Variants in CDHR4 observed in about 807,000 individuals in gnomAD.
CDHR4 encodes cadherin related family member 4, also known as cadherin-related family member 4.
Under a neutral mutation model 88.4 loss-of-function variants are expected in CDHR4, and 89 were observed. The observed-to-expected ratio is 1.01, with a 90% CI of 0.85 to 1.20. The LOEUF is 1.20. Among genes scored for constraint, CDHR4 ranks in the 50% most tolerant of loss-of-function variants. The pLI is 0.00. For synonymous variants in CDHR4, 368 were observed against 399.2 expected (o/e 0.92, Z 0.93); for missense variants, 914 against 1,007.2 (o/e 0.91, Z 1.25).
chr3:49,800,583 T>C (rs1048471248), upstream of CDHR4, among the ~76,000 whole-genome samples: 3 of 151,978 alleles, frequency 2.0e-5, no homozygotes, highest in South Asian at 4.2e-4. Context: ...TCCTTTATGA[T>C]AGAAATACAA....
At chr3:49,798,556 C>G (rs1291170066) in intron 4 of CDHR4, 6 of 495,218 alleles carry the variant, frequency 1.2e-5, no homozygotes, top group African/African-American at 8.1e-5. Flanking sequence ...CCACTGCACT[C>G]CAGCCTGGAC....
Position 49,795,209 on chromosome 3 carries a change from G to A in CDHR4, c.1018C>T (p.Pro340Ser). The A allele has an allele frequency of 6.4e-7, 1 of 1,551,672 alleles. No individual in the cohort carries two copies. ...LVNLWPPRCL[P>S]ALLVSQIPET... ...CCGGGTACTCACACCAGAAGCGCTG[G>A]GAGGCAGCGTGGAGGCCAGAGGTTG... The change falls in exon 8 of 19, where the codon CCA (proline) becomes TCA (serine). Residue 340 changes from proline (P) to serine (S), a missense_variant. Physicochemically the swap from Pro to Ser is moderately conservative, Grantham distance 74. Transcript: ENST00000412678. The surrounding 1 kb of genome is among the most constrained non-coding windows in gnomAD (Gnocchi z 5.4).
At chr3:49,798,758 G>A (rs1167940194) in intron 4 of CDHR4, 68 bp downstream of exon 4, 6 of 1,476,458 alleles carry the variant, frequency 4.1e-6, no homozygotes, top group Middle Eastern at 2.1e-4. Context: ...GGCCAGGTGG[G>A]GGTTAATTTA....
Position 49,795,251 on chromosome 3 carries a change from T to C in CDHR4, c.976A>G (p.Met326Val). 6.4e-7 allele frequency: 1 copy of C among 1,551,626 alleles called. No homozygotes were observed. The highest frequency in any genetic ancestry group is 8.7e-7 in the Non-Finnish European group (1 of 1,146,968). Reference protein sequence around the residue: ...LWASAKLNLTMNVQLVNLWPP... With the variant: ...LWASAKLNLTVNVQLVNLWPP... ...CAGAGGTTGACCAGCTGCACATTCA[T>C]GGTGAGATTGAGCTTGGCACTGGCC... The change falls in exon 8 of 19, where the codon ATG becomes GTG. Residue 326 changes from methionine to valine, a missense_variant. By Grantham distance (21) the Met-to-Val change is conservative. Transcript: ENST00000412678. This position sits in a 1 kb window ranked among gnomAD's most constrained non-coding sequence, Gnocchi z 5.4.
rs760475737 is a variant in CDHR4, at chr3:49,799,379, G to A, written c.108C>T (p.Val36=). 1 of 1,611,686 alleles carries A rather than the reference G, an allele frequency of 6.2e-7. No individual in the cohort carries two copies. Among genetic ancestry groups the A allele is most frequent in the South Asian group, 1.1e-5 (1 of 90,608 alleles). The stretch of plus-strand genomic sequence containing the variant: ...AGCAGTTGAAGGATAAAAACTGAAG[G>A]ACTGTGCCAGGGCCCTGGCTCTCAG... The part of the protein sequence containing the change: ...NVSESQGPGT[V]LQFLSFNCSS... The change falls in exon 2 of 19, where the codon GTC becomes GTT. Residue 36 remains valine (V), a synonymous_variant. Coordinates refer to ENST00000412678, the MANE Select transcript of CDHR4 (RefSeq NM_001007540.4).
intron 4 of CDHR4, among the ~76,000 whole-genome samples, chr3:49,797,239 CTCTT>C (rs1274591101): frequency 3.3e-5 from 5 of 150,832 alleles, no homozygotes; most frequent in Admixed American, 6.6e-5. Flanking sequence ...CTTCCTTTCT[CTCTT>C]TCTTTCCTTC....
rs1326743267 is a variant in CDHR4 at position 49,793,679 on chromosome 3, C to T, written c.1527G>A (p.Arg509=). 8.4e-6 allele frequency: 13 copies of T among 1,551,758 alleles called. No individual in the cohort carries two copies. The highest frequency in any genetic ancestry group is 1.1e-5 in the Non-Finnish European group (13 of 1,147,004). The stretch of plus-strand genomic sequence containing the variant: ...TCACAAGGACAGTGAGCCTGTACAG[C>T]CTCTGCTGCTCATAGTCCAAAGGTC... The part of the protein sequence containing the change: ...LLGPLDYEQQ[R]LYRLTVLVID... The change falls in exon 12 of 19, where the codon AGG becomes AGA. Residue 509 remains arginine, a synonymous_variant. Coordinates refer to ENST00000412678, the MANE Select transcript of CDHR4 (RefSeq NM_001007540.4).
intron 12 of CDHR4, 114 bp downstream of exon 12, chr3:49,793,469 C>A: frequency 6.8e-7 from 1 of 1,474,880 alleles, no homozygotes; most frequent in Non-Finnish European, 9.1e-7. Context: ...CCACTCTTCT[C>A]CAGCCAACTC....
rs1490786329 is a variant in CDHR4 at position 49,799,806 on chromosome 3, G to A, written c.7C>T (p.Leu3=). The part of the protein sequence containing the change: MV[L]LRLLVFLFAP... ...AAGAGGAACACGAGGAGCCTGAGCA[G>A]CACCATGATGACCTGAAGACACAGA... The change falls in exon 1 of 19, where the codon CTG becomes TTG. Residue 3 remains leucine, a synonymous_variant. Transcript: ENST00000412678. 3.7e-6 allele frequency: 6 copies of A among 1,613,812 alleles called. No homozygotes were observed. The highest frequency in any genetic ancestry group is 4.2e-6 in the Non-Finnish European group (5 of 1,179,846).
chr3:49,798,493 C>T (rs1332839248), intron 4 of CDHR4: 6 of 338,600 alleles, frequency 1.8e-5, no homozygotes, highest in African/African-American at 1.1e-4. Context: ...GAGGCTGAGG[C>T]AGGAGAATGG....
rs1253972728 is a variant in CDHR4 at position 49,794,982 on chromosome 3, G to T, written c.1150C>A (p.Pro384Thr). 7 of 1,551,734 alleles carry T rather than the reference G, an allele frequency of 4.5e-6. No homozygotes were observed. Among genetic ancestry groups the T allele is most frequent in the Non-Finnish European group, 4.4e-6 (5 of 1,146,996 alleles). The change falls in exon 9 of 19, where the codon CCT (proline) becomes ACT (threonine). Residue 384 changes from proline to threonine, a missense_variant. Pro to Thr is a conservative substitution (Grantham distance 38, BLOSUM62 -1). Coordinates refer to ENST00000412678, the MANE Select transcript of CDHR4 (RefSeq NM_001007540.4). ...CTGTCATAAAGGCAGAGGCTGGCAG[G>T]GTTGGAAGAGCTGCGGAACCACAGC... ...YKLWFRSSSN[P>T]ASLCLYDRVL...
chr3:49,793,964 A>G lies in CDHR4; in HGVS notation c.1322T>C (p.Phe441Ser). ...CGTGCGAGGGGCACAGGCTGGGGAG[A>G]ACTCGTTGATGGGTGTCACCATCAC... ...VLVMVTPINE[F>S]SPACAPRTFR... The change falls in exon 11 of 19, where the codon TTC becomes TCC. Residue 441 changes from phenylalanine to serine, a missense_variant. Phe to Ser is a radical substitution (Grantham distance 155). Transcript: ENST00000412678. The G allele has an allele frequency of 6.4e-7, 1 of 1,551,722 alleles. No individual in the cohort carries two copies. Among genetic ancestry groups the G allele is most frequent in the Non-Finnish European group, 8.7e-7 (1 of 1,146,996 alleles).
intron 1 of CDHR4, among the ~76,000 whole-genome samples, 153 bp downstream of exon 1, chr3:49,799,611 G>T (rs1026735353): frequency 6.6e-6 from 1 of 152,228 alleles, no homozygotes; most frequent in Non-Finnish European, 1.5e-5. Context: ...GAACTTGACT[G>T]AGGAAGTGGC....
chr3:49,792,062 T>C, intron 15 of CDHR4, 103 bp from the exon 16 acceptor site: 4 of 1,180,364 alleles, frequency 3.4e-6, no homozygotes, highest in Non-Finnish European at 4.9e-6. Flanking sequence ...ACAACCAATG[T>C]CTGTATGCAG....
rs1343148349 is a variant in CDHR4, at chr3:49,792,574, T to C, written c.2032A>G (p.Thr678Ala). The change falls in exon 15 of 19, where the codon ACA (threonine) becomes GCA (alanine). Residue 678 changes from threonine to alanine, a missense_variant. Transcript: ENST00000412678. ...GGCTGTGGCTGCCAGAAAGCCTCTG[T>C]GTCTGTCACGAGCATGGGTGTCATC... ...STMTPMLVTD[T>A]EAFWQPQPWF... The C allele has an allele frequency of 6.4e-7, 1 of 1,551,566 alleles. No individual in the cohort carries two copies. Among genetic ancestry groups the C allele is most frequent in the African/African-American group, 1.4e-5 (1 of 73,034 alleles).
intron 1 of CDHR4, 30 bp from the exon 2 acceptor site, chr3:49,799,467 G>GC (rs1197285051): frequency 6.4e-7 from 1 of 1,560,266 alleles, no homozygotes; most frequent in South Asian, 1.2e-5. Context: ...CAGGCTGGAG[G>GC]CCCCCAGGCT....
intron 14 of CDHR4, 55 bp downstream of exon 14, chr3:49,792,799 C>G: frequency 1.0e-5 from 15 of 1,481,170 alleles, no homozygotes; most frequent in Non-Finnish European, 1.4e-5. Context: ...TGGGTCTCCT[C>G]ACTCTCCAAG....
chr3:49,794,082 G>A, intron 10 of CDHR4, 76 bp from the exon 11 acceptor site: 1 of 1,426,056 alleles, frequency 7.0e-7, no homozygotes. Flanking sequence ...AGGGAGACAG[G>A]GCCCTGCCCT....
Position 49,795,432 on chromosome 3 carries a change from GC to G in CDHR4, c.848-54del. On this transcript the variant is annotated intron_variant, in intron 7 of 18. Transcript: ENST00000412678. The surrounding 1 kb of genome is among the most constrained non-coding windows in gnomAD (Gnocchi z 5.4). Reference sequence around the variant, plus strand: ...CAGGGGTCAGGGAACACAGAGATCAGCCCCGCCTCCCAGCTCAGTCCCACTC... The same window carrying G: ...CAGGGGTCAGGGAACACAGAGATCAGCCCGCCTCCCAGCTCAGTCCCACTC... 6.5e-7 allele frequency: 1 copy of G among 1,533,064 alleles called. No homozygotes were observed. Among genetic ancestry groups the G allele is most frequent in the Admixed American group, 2.0e-5 (1 of 50,648 alleles). The allele number at this position is 1,533,064 out of a possible 1,614,324, so 95.0% of individuals were successfully genotyped here.
Sources: allele counts gnomAD v4.1 joint callset (sites outside exome capture counted in the v4.1 genomes callset), GRCh38; gene constraint gnomAD v4.1.1; non-coding constraint Gnocchi (gnomAD v3.1); transcripts MANE v1.5; gene names NCBI Gene and HGNC (gene_info 2026-07-23, HGNC 2026-07-21).